Variants in COL26A1 observed in about 807,000 individuals in gnomAD.
COL26A1 encodes collagen alpha-1(XXVI) chain.
COL26A1 carries 41 observed loss-of-function variants against 59.3 expected under a neutral mutation model. That is an observed-to-expected ratio of 0.69 (90% CI 0.54 to 0.90). COL26A1 has a LOEUF of 0.90. Ranked by LOEUF, COL26A1 falls within the 40% of genes least tolerant of loss-of-function variation. The probability of loss-of-function intolerance (pLI) is 0.00; values close to 1 mark genes in which losing one functional copy is unlikely to be tolerated. For missense variants in COL26A1, 612 were observed against 602.3 expected, an observed-to-expected ratio of 1.02 and a Z score of -0.17; for synonymous variants, 266 against 256.0, an observed-to-expected ratio of 1.04 and a Z score of -0.37.
chr7:101,364,098 C>T (rs1254078635), intron 1 of COL26A1, among the ~76,000 whole-genome samples: 3 of 152,140 alleles, frequency 2.0e-5, no homozygotes, highest in East Asian at 1.9e-4. Flanking sequence ...CGTCTCCTTC[C>T]TCTCGGCCGG....
At chr7:101,383,446 A>C (rs1325345054) in intron 1 of COL26A1, among the ~76,000 whole-genome samples, 7 of 152,004 alleles carry the variant, frequency 4.6e-5, no homozygotes, top group Non-Finnish European at 8.8e-5. Context: ...AGCTCACCGC[A>C]ACCTCCACCT....
At chr7:101,482,256 C>T (rs1794172623) in intron 3 of COL26A1, among the ~76,000 whole-genome samples, 2 of 152,310 alleles carry the variant, frequency 1.3e-5, no homozygotes, top group African/African-American at 2.4e-5. Context: ...GATCCACCTG[C>T]CTTGTCCTCC....
chr7:101,399,160 G>A (rs1791932735), intron 1 of COL26A1, among the ~76,000 whole-genome samples: 1 of 151,534 alleles, frequency 6.6e-6, no homozygotes. Context: ...TTCAAAATTA[G>A]CCAGGTGTGG....
chr7:101,451,707 C>CTTTTTTTTTTT (rs60481013), intron 3 of COL26A1, among the ~76,000 whole-genome samples: 1 of 139,162 alleles, frequency 7.2e-6, no homozygotes. Context: ...TCATTTGCAT[C>CTTTTTTTTTTT]TTTTTTTTTT....
intron 1 of COL26A1, among the ~76,000 whole-genome samples, chr7:101,395,036 C>G (rs568913660): frequency 6.6e-6 from 1 of 151,546 alleles, no homozygotes; most frequent in African/African-American, 2.4e-5. Context: ...CCATGCCTGG[C>G]TAATTTTTGT....
intron 1 of COL26A1, among the ~76,000 whole-genome samples, chr7:101,372,711 A>T (rs957015002): frequency 1.2e-3 from 179 of 151,960 alleles, no homozygotes; most frequent in African/African-American, 4.0e-3. Flanking sequence ...GAGTGGCTGG[A>T]CTAATGGGAT....
At chr7:101,453,058 C>T (rs973881635) in intron 3 of COL26A1, among the ~76,000 whole-genome samples, 3 of 152,184 alleles carry the variant, frequency 2.0e-5, no homozygotes, top group Non-Finnish European at 1.5e-5. Context: ...GTCTAAAATA[C>T]AGAATTATAA....
intron 3 of COL26A1, among the ~76,000 whole-genome samples, chr7:101,476,783 G>A (rs921123454): frequency 2.0e-5 from 3 of 150,956 alleles, no homozygotes; most frequent in Non-Finnish European, 4.4e-5. Flanking sequence ...TCCTGACCTC[G>A]TGATCCACCC....
At chr7:101,423,479 A>T (rs1040378862) in intron 2 of COL26A1, among the ~76,000 whole-genome samples, 1 of 152,146 alleles carries the variant, frequency 6.6e-6, no homozygotes, top group Non-Finnish European at 1.5e-5. Flanking sequence ...TCACGCCTAT[A>T]ATCCCAGCAT....
rs200435737 is a variant in COL26A1, at chr7:101,540,023, G to T, written c.578G>T (p.Arg193Leu). The change falls in exon 5 of 13, where the codon CGA becomes CTA. Residue 193 changes from arginine (R) to leucine (L), a missense_variant. Coordinates refer to ENST00000313669, the MANE Select transcript of COL26A1 (RefSeq NM_001278563.3). ...ATCCCTCTTGCTCACCCTGTGCCAC[G>T]ACAGAGAAGGCCCACGGGCCCAGCC... ...DAIPLAHPVP[R>L]QRRPTGPAGP... 298 of 1,613,330 alleles carry T rather than the reference G, an allele frequency of 1.8e-4. 1 individual carries two copies. Among genetic ancestry groups the T allele is most frequent in the Non-Finnish European group, 2.3e-4 (271 of 1,179,768 alleles).
rs1467756865 is a variant in COL26A1, at chr7:101,544,019, C to G, written c.626C>G (p.Pro209Arg). ...GPAGPPGQTG[P>R]PGPAGPPGSK... ...CCAGGGCCCCCGGGGCAGACAGGAC[C>G]ACCAGGGCCTGCAGGCCCCCCCGGG... is the stretch of plus-strand genomic sequence containing the variant. Residue 209 changes from proline (P) to arginine (R), a missense_variant, in exon 6 of 13, where the codon CCA (proline) becomes CGA (arginine). Physicochemically the swap from Pro to Arg is moderately radical, Grantham distance 103. Transcript: ENST00000313669. 3 of 1,589,150 alleles carry G rather than the reference C, an allele frequency of 1.9e-6. No homozygotes were observed. In the Admixed American group the frequency reaches 5.3e-5, roughly 28 times the overall value.
In COL26A1 at chr7:101,398,542, C is replaced by T. The variant is rs532783219; in HGVS notation, c.159-21435C>T. On this transcript the variant is annotated intron_variant, in intron 1 of 12. Coordinates refer to ENST00000313669, the MANE Select transcript of COL26A1 (RefSeq NM_001278563.3). ...AGCAGGTCACAGAGAACCCAAGCAG[C>T]CTCTAAGATGTCATAGGTCTCCCTC... 2.6e-5 allele frequency among the ~76,000 whole-genome samples: 4 copies of T among 152,270 alleles called. No individual in the cohort carries two copies. The South Asian group carries it at 8.3e-4, about 32-fold the overall frequency.
intron 1 of COL26A1, among the ~76,000 whole-genome samples, chr7:101,404,441 C>CG (rs1195385639): frequency 6.6e-6 from 1 of 152,174 alleles, no homozygotes; most frequent in Non-Finnish European, 1.5e-5. Context: ...CCCTCCCCCC[C>CG]CAAATGGCTT....
chr7:101,476,180 G>A lies in COL26A1; in HGVS notation c.385+28393G>A, dbSNP rs532703141. 3.0e-4 allele frequency among the ~76,000 whole-genome samples: 44 copies of A among 148,902 alleles called. No individual in the cohort carries two copies. The East Asian group carries it at 7.5e-3, about 25-fold the overall frequency. ...TGTGTGTGTGTGTGTGTGTGTGTGA[G>A]TAGAGATGGGTTTCACTATCTTGGC... On this transcript the variant is annotated intron_variant, in intron 3 of 12. Coordinates refer to ENST00000313669, the MANE Select transcript of COL26A1 (RefSeq NM_001278563.3).
At chr7:101,454,958 G>A (rs1387288092) in intron 3 of COL26A1, among the ~76,000 whole-genome samples, 2 of 151,920 alleles carry the variant, frequency 1.3e-5, no homozygotes, top group Non-Finnish European at 2.9e-5. Flanking sequence ...TGATTTCATA[G>A]AGCATAAATT....
At chr7:101,509,571 G>A (rs1009152965) in intron 3 of COL26A1, among the ~76,000 whole-genome samples, 2 of 152,234 alleles carry the variant, frequency 1.3e-5, no homozygotes, top group African/African-American at 2.4e-5. Context: ...GTCTGGCCAG[G>A]GATCACTGGT....
In COL26A1 at chr7:101,539,935, A is replaced by G; in HGVS notation, c.490A>G (p.Asn164Asp). The change falls in exon 5 of 13, where the codon AAC (asparagine) becomes GAC (aspartate). Residue 164 changes from asparagine (N) to aspartate (D), a missense_variant. Asn to Asp is a conservative substitution (Grantham distance 23, BLOSUM62 1). Coordinates refer to ENST00000313669, the MANE Select transcript of COL26A1 (RefSeq NM_001278563.3). ...EAAERPSSPD[N>D]DLPAPESTPP... ...AGCAGAACGGCCCTCCAGCCCGGAC[A>G]ACGACCTGCCAGCCCCCGAGAGCAC... is the stretch of plus-strand genomic sequence containing the variant. The G allele has an allele frequency of 6.2e-7, 1 of 1,613,620 alleles. No individual in the cohort carries two copies. The highest frequency in any genetic ancestry group is 1.1e-5 in the South Asian group (1 of 91,038).
At chr7:101,417,478 T>G (rs1792398255) in intron 1 of COL26A1, among the ~76,000 whole-genome samples, 1 of 149,566 alleles carries the variant, frequency 6.7e-6, no homozygotes, top group Admixed American at 6.7e-5. Flanking sequence ...TTAGGACAGG[T>G]GAATCCAATG....
At chr7:101,414,497 G>T (rs181753251) in intron 1 of COL26A1, among the ~76,000 whole-genome samples, 77 of 151,898 alleles carry the variant, frequency 5.1e-4, no homozygotes, top group African/African-American at 1.7e-3. Context: ...GAGTGTAGTG[G>T]CACGAACTCG....
Sources: allele counts gnomAD v4.1 joint callset (sites outside exome capture counted in the v4.1 genomes callset), GRCh38; gene constraint gnomAD v4.1.1; transcripts MANE v1.5; gene names NCBI Gene and HGNC (gene_info 2026-07-23, HGNC 2026-07-21).